The following ZFYVE26 variants were observed in gnomAD, a reference collection of about 807,000 sequenced individuals.
The protein encoded by ZFYVE26 is zinc finger FYVE domain-containing protein 26.
In ZFYVE26, 181 loss-of-function variants were observed where a neutral mutation model predicts 276.5. The observed-to-expected ratio is 0.65, with a 90% CI of 0.58 to 0.74. The LOEUF (loss-of-function observed/expected upper bound fraction) is 0.74. Ranked by LOEUF, ZFYVE26 falls within the 30% of genes least tolerant of loss-of-function variation. ZFYVE26 has a pLI of 0.00. For synonymous variants in ZFYVE26, 1,129 were observed against 1,203.1 expected, an observed-to-expected ratio of 0.94 and a Z score of 1.27; for missense variants, 2,821 against 3,097.9, an observed-to-expected ratio of 0.91 and a Z score of 2.12.
chr14:67,807,809 C>G lies in ZFYVE26; in HGVS notation c.475G>C (p.Asp159His), dbSNP rs141070647. Residue 159 changes from aspartate (D) to histidine (H), a missense_variant, in exon 5 of 42, where the codon GAT (aspartate) becomes CAT (histidine). Physicochemically the swap from Asp to His is moderately conservative, Grantham distance 81. Transcript: ENST00000347230. ...LSSEAVSVLW[D>H]LLRQSPQPAQ... The stretch of plus-strand genomic sequence containing the variant: ...GGCTGGGGAGACTGCCTCAGGAGAT[C>G]CCAGAGCACAGAGACAGCTTCGGAG... 9.0e-5 allele frequency: 145 copies of G among 1,614,124 alleles called. No homozygotes were observed. The African/African-American group carries it at 1.6e-3, about 18-fold the overall frequency.
At chr14:67,762,545 A>T in intron 33 of ZFYVE26, 127 bp downstream of exon 33, 1 of 1,551,968 alleles carries the variant, frequency 6.4e-7, no homozygotes, top group Non-Finnish European at 8.8e-7. Flanking sequence ...CTGGCAAACT[A>T]GTCATGTCCC....
intron 14 of ZFYVE26, among the ~76,000 whole-genome samples, chr14:67,791,946 G>C (rs2039825202): frequency 6.6e-6 from 1 of 151,684 alleles, no homozygotes; most frequent in South Asian, 2.1e-4. Context: ...TGTAGTCCCA[G>C]CTACTCAGGA....
chr14:67,800,570 C>T (rs1206908316), intron 10 of ZFYVE26, among the ~76,000 whole-genome samples: 2 of 152,114 alleles, frequency 1.3e-5, no homozygotes, highest in Non-Finnish European at 2.9e-5. Context: ...CCCTTTCTGA[C>T]TGTCTAACTT....
At chr14:67,798,894 C>A (rs1412092662) in intron 10 of ZFYVE26, 3 of 913,402 alleles carry the variant, frequency 3.3e-6, no homozygotes, top group African/African-American at 1.6e-5. Context: ...GGCCACCAGG[C>A]CCCGCCCCCG....
rs184685606 is a variant in ZFYVE26 at position 67,806,693 on chromosome 14, C to T, written c.887-18G>A. The T allele has an allele frequency of 3.9e-5, 63 of 1,611,358 alleles. No homozygotes were observed. The highest frequency in any genetic ancestry group is 7.7e-5 in the South Asian group (7 of 90,856). On this transcript the variant is annotated intron_variant, in intron 5 of 41. Transcript: ENST00000347230. ...CGGTGAGACTGAACATCAAACAAGACGGTTATCAGGAAACCAAGAACTCTT... is the reference window on the plus strand; with the variant it reads ...CGGTGAGACTGAACATCAAACAAGATGGTTATCAGGAAACCAAGAACTCTT...
At chr14:67,784,838 A>G (rs1390685040) in intron 19 of ZFYVE26, among the ~76,000 whole-genome samples, 1 of 152,212 alleles carries the variant, frequency 6.6e-6, no homozygotes, top group African/African-American at 2.4e-5. Context: ...TTGAGTCGCT[A>G]ATTCCAAGAA....
intron 2 of ZFYVE26, among the ~76,000 whole-genome samples, chr14:67,814,323 A>T (rs2140259310): frequency 6.6e-6 from 1 of 152,316 alleles, no homozygotes; most frequent in Admixed American, 6.5e-5. Context: ...GTTCGAGACC[A>T]ACCTGGCCAA....
chr14:67,731,207 C>CTTTTTTTTTTTTT (rs71129853), intron 13 of ZFYVE26, among the ~76,000 whole-genome samples: 4 of 90,618 alleles, frequency 4.4e-5, no homozygotes, highest in Non-Finnish European at 6.0e-5. Context: ...TTCTTTCTTT[C>CTTTTTTTTTTTTT]TTTTTTTTTT....
Position 67,800,630 on chromosome 14 carries a change from G to A in ZFYVE26, c.1639+1449C>T, listed in dbSNP as rs1358213895. Reference sequence around the variant, plus strand: ...GTTGTTATAGTGAACTCATAGTAACGGTTTGTGAGAACAATACATAGATTT... The same window carrying A: ...GTTGTTATAGTGAACTCATAGTAACAGTTTGTGAGAACAATACATAGATTT... On this transcript the variant is annotated intron_variant, in intron 10 of 41. Coordinates refer to ENST00000347230, the MANE Select transcript of ZFYVE26 (RefSeq NM_015346.4). Among the ~76,000 whole-genome samples the A allele has an allele frequency of 5.9e-5, 9 of 152,058 alleles. No individual in the cohort carries two copies. In the East Asian group the frequency reaches 1.2e-3, roughly 20 times the overall value.
Position 67,797,729 on chromosome 14 carries a change from G to C in ZFYVE26, c.2275C>G (p.Pro759Ala). The change falls in exon 12 of 42, where the codon CCT becomes GCT. Residue 759 changes from proline to alanine, a missense_variant. Pro to Ala is a conservative substitution (Grantham distance 27). Transcript: ENST00000347230. ...SEEQPSRRYQ[P>A]ATRHPSLRRG... The stretch of plus-strand genomic sequence containing the variant: ...CGGAGACTGGGGTGACGTGTGGCAG[G>C]CTGGTATCTTCGGGAAGGTTGCTCC... 2 of 1,614,156 alleles carry C rather than the reference G, an allele frequency of 1.2e-6. No homozygotes were observed. The highest frequency in any genetic ancestry group is 1.7e-6 in the Non-Finnish European group (2 of 1,180,032).
chr14:67,798,727 C>T (rs2040014940), intron 10 of ZFYVE26, 105 bp from the exon 11 acceptor site: 1 of 1,422,662 alleles, frequency 7.0e-7, no homozygotes, highest in Admixed American at 1.9e-5. Context: ...AACTTTAGCT[C>T]ATTTATTTAT....
At chr14:67,774,141 G>A (rs994329029) in intron 27 of ZFYVE26, among the ~76,000 whole-genome samples, 7 of 152,112 alleles carry the variant, frequency 4.6e-5, no homozygotes, top group African/African-American at 1.2e-4. Flanking sequence ...AAACACATGC[G>A]GTCATGAAAG....
Position 67,785,943 on chromosome 14 carries a change from G to A in ZFYVE26, c.3219C>T (p.Ser1073=), listed in dbSNP as rs762832586. The change falls in exon 18 of 42, where the codon AGC becomes AGT. Residue 1073 remains serine (S), a synonymous_variant. Coordinates refer to ENST00000347230, the MANE Select transcript of ZFYVE26 (RefSeq NM_015346.4). Reference sequence around the variant, plus strand: ...TGGTGTGGCTGGCAACACAGTCCTCGCTTAGGCTGGGCCAGCACATCTGAA... The same window carrying A: ...TGGTGTGGCTGGCAACACAGTCCTCACTTAGGCTGGGCCAGCACATCTGAA... ...ELLQMCWPSL[S]EDCVASHTTL... 6.2e-6 allele frequency: 10 copies of A among 1,614,066 alleles called. No homozygotes were observed. Among genetic ancestry groups the A allele is most frequent in the South Asian group, 4.4e-5 (4 of 91,088 alleles).
chr14:67,787,260 A>C (rs963840662), intron 16 of ZFYVE26, among the ~76,000 whole-genome samples: 1 of 151,822 alleles, frequency 6.6e-6, no homozygotes, highest in South Asian at 2.1e-4. Flanking sequence ...GAGGGCTGAG[A>C]CAGGAGAATC....
chr14:67,786,375 G>T lies in ZFYVE26; in HGVS notation c.3020-142C>A, dbSNP rs1284619029. 6 of 1,091,748 alleles carry T rather than the reference G, an allele frequency of 5.5e-6. No individual in the cohort carries two copies. In the African/African-American group the frequency reaches 9.6e-5, roughly 17 times the overall value. The allele number at this position is 1,091,748 out of a possible 1,614,324, so 67.6% of individuals were successfully genotyped here. On this transcript the variant is annotated intron_variant, in intron 16 of 41. Coordinates refer to ENST00000347230, the MANE Select transcript of ZFYVE26 (RefSeq NM_015346.4). ...AAATACATGCTGTGCCATTTTGGGT[G>T]ACAACCAGTATACTTGGCTTATTTC...
At chr14:67,787,600 T>C (rs2039690776) in intron 16 of ZFYVE26, among the ~76,000 whole-genome samples, 1 of 151,766 alleles carries the variant, frequency 6.6e-6, no homozygotes, top group East Asian at 1.9e-4. Flanking sequence ...ACACCGACTA[T>C]GCACCCACAC....
chr14:67,794,020 G>C, intron 13 of ZFYVE26, 151 bp downstream of exon 13: 3 of 944,702 alleles, frequency 3.2e-6, no homozygotes, highest in Non-Finnish European at 5.2e-6. Flanking sequence ...GAATGAAACA[G>C]TCCTTTCCCT....
chr14:67,754,196 G>T lies in ZFYVE26; in HGVS notation c.7003C>A (p.Gln2335Lys). The change falls in exon 38 of 42, where the codon CAG (glutamine) becomes AAG (lysine). Residue 2335 changes from glutamine to lysine, a missense_variant. By Grantham distance (53) the Gln-to-Lys change is moderately conservative. Coordinates refer to ENST00000347230, the MANE Select transcript of ZFYVE26 (RefSeq NM_015346.4). ...AACCTGGTCACTTCCATCTGCAGCTGAAGTGTGTTCATGTGCCTGTGGTGA... is the reference window on the plus strand; with the variant it reads ...AACCTGGTCACTTCCATCTGCAGCTTAAGTGTGTTCATGTGCCTGTGGTGA... ...ADVSRHMNTL[Q>K]LQMEVTRFLH... The T allele has an allele frequency of 3.1e-6, 5 of 1,614,254 alleles. No homozygotes were observed. Among genetic ancestry groups the T allele is most frequent in the Non-Finnish European group, 4.2e-6 (5 of 1,180,048 alleles).
At chr14:67,782,067 A>C (rs963634881) in intron 21 of ZFYVE26, among the ~76,000 whole-genome samples, 2 of 152,260 alleles carry the variant, frequency 1.3e-5, no homozygotes, top group Non-Finnish European at 2.9e-5. Flanking sequence ...ACAGCCAGTC[A>C]GTGGATTTCT....
Sources: allele counts gnomAD v4.1 joint callset (sites outside exome capture counted in the v4.1 genomes callset), GRCh38; gene constraint gnomAD v4.1.1; transcripts MANE v1.5; gene names NCBI Gene and HGNC (gene_info 2026-07-23, HGNC 2026-07-21).